The following SLC25A48 variants were observed in gnomAD, a reference collection of about 807,000 sequenced individuals.
SLC25A48 encodes CTC-321K16.1.
A neutral mutation model predicts 32.2 loss-of-function variants in SLC25A48; 29 were observed. The observed-to-expected ratio is 0.90, with a 90% CI of 0.67 to 1.23. The LOEUF (loss-of-function observed/expected upper bound fraction) is 1.23, where lower values mean the gene tolerates loss of function less well. Among genes scored for constraint, SLC25A48 ranks in the 50% most tolerant of loss-of-function variants. The probability of loss-of-function intolerance (pLI) is 0.00; values close to 1 mark genes in which losing one functional copy is unlikely to be tolerated. For missense variants in SLC25A48, 399 were observed against 422.7 expected (o/e 0.94, Z 0.49); for synonymous variants, 164 against 172.3 (o/e 0.95, Z 0.38).
At chr5:135,715,481 A>T (rs1017447726) in intron 3 of SLC25A48, among the ~76,000 whole-genome samples, 1 of 151,838 alleles carries the variant, frequency 6.6e-6, no homozygotes, top group African/African-American at 2.4e-5. Flanking sequence ...TTCCCACCCC[A>T]CCCCTTTCCC....
At chr5:135,823,285 T>A (rs1207715776) in intron 4 of SLC25A48, among the ~76,000 whole-genome samples, 1 of 152,160 alleles carries the variant, frequency 6.6e-6, no homozygotes, top group Admixed American at 6.5e-5. Context: ...GCCATGTTCC[T>A]GATGGGCTCT....
intron 4 of SLC25A48, among the ~76,000 whole-genome samples, chr5:135,866,767 A>ACCT (rs1276137197): frequency 6.6e-6 from 1 of 152,234 alleles, no homozygotes; most frequent in Admixed American, 6.5e-5. Flanking sequence ...ACAAGGCAGG[A>ACCT]GGCCTGGGCC....
chr5:135,773,928 A>G (rs1191538738), intron 3 of SLC25A48, among the ~76,000 whole-genome samples: 4 of 151,658 alleles, frequency 2.6e-5, no homozygotes, highest in Non-Finnish European at 4.4e-5. Context: ...AGAAGAAGAT[A>G]TTACTCCCAA....
intron 3 of SLC25A48, among the ~76,000 whole-genome samples, chr5:135,710,436 T>C (rs1754625651): frequency 6.6e-6 from 1 of 152,150 alleles, no homozygotes; most frequent in Non-Finnish European, 1.5e-5. Flanking sequence ...CTGGTTCTGG[T>C]TTTGTTCCGT....
chr5:135,635,281 C>G (rs762720238), intron 3 of SLC25A48, among the ~76,000 whole-genome samples: 7 of 152,216 alleles, frequency 4.6e-5, no homozygotes, highest in Non-Finnish European at 8.8e-5. Flanking sequence ...GCTCAGGGCT[C>G]TGAGAGGGAT....
chr5:135,676,295 G>A (rs570363578), intron 3 of SLC25A48, among the ~76,000 whole-genome samples: 1 of 151,898 alleles, frequency 6.6e-6, no homozygotes, highest in South Asian at 2.1e-4. Flanking sequence ...AGTCTCTGAT[G>A]ATCTTTTGTA....
chr5:135,718,745 AT>A (rs1754875830), intron 3 of SLC25A48, among the ~76,000 whole-genome samples: 1 of 152,116 alleles, frequency 6.6e-6, no homozygotes, highest in Non-Finnish European at 1.5e-5. Flanking sequence ...AGAAAAACCA[AT>A]CCCCAAGGGT....
At chr5:135,709,992 T>C (rs1754615253) in intron 3 of SLC25A48, among the ~76,000 whole-genome samples, 1 of 152,166 alleles carries the variant, frequency 6.6e-6, no homozygotes, top group African/African-American at 2.4e-5. Context: ...TCTCCCACCA[T>C]GGTCACTGTA....
At chr5:135,659,452 TCAA>T (rs1753334135) in intron 3 of SLC25A48, among the ~76,000 whole-genome samples, 1 of 152,220 alleles carries the variant, frequency 6.6e-6, no homozygotes, top group African/African-American at 2.4e-5. Flanking sequence ...TCAAAACTAT[TCAA>T]CAAGTCTCTA....
At chr5:135,815,072 A>AT (rs1757682409) in intron 4 of SLC25A48, among the ~76,000 whole-genome samples, 1 of 152,146 alleles carries the variant, frequency 6.6e-6, no homozygotes, top group South Asian at 2.1e-4. Context: ...GCTGGCTGGG[A>AT]TAACTGAGGG....
intron 3 of SLC25A48, among the ~76,000 whole-genome samples, chr5:135,658,024 C>T (rs1439511790): frequency 6.6e-6 from 1 of 152,158 alleles, no homozygotes; most frequent in Non-Finnish European, 1.5e-5. Context: ...TCATTGTGCT[C>T]CTGGCCACTC....
intron 3 of SLC25A48, among the ~76,000 whole-genome samples, chr5:135,796,513 G>A (rs931684189): frequency 4.6e-5 from 7 of 151,550 alleles, no homozygotes; most frequent in African/African-American, 1.5e-4. Context: ...TATCCTGGGG[G>A]TGAGAGGATG....
chr5:135,722,923 A>G (rs1173622134), intron 3 of SLC25A48, among the ~76,000 whole-genome samples: 1 of 152,366 alleles, frequency 6.6e-6, no homozygotes, highest in Middle Eastern at 3.4e-3. Flanking sequence ...TCTAGAGGGA[A>G]TGAAGCGCTC....
At chr5:135,654,966 G>A (rs1381204235) in intron 3 of SLC25A48, among the ~76,000 whole-genome samples, 8 of 152,180 alleles carry the variant, frequency 5.3e-5, no homozygotes, top group Admixed American at 1.3e-4. Flanking sequence ...GTATTGAAAC[G>A]ACATCCATCT....
intron 6 of SLC25A48, among the ~76,000 whole-genome samples, chr5:135,877,310 A>G (rs1267807750): frequency 1.3e-5 from 2 of 152,076 alleles, no homozygotes; most frequent in Admixed American, 1.3e-4. Context: ...TCTTGGCTCC[A>G]AGGAAGCAGC....
intron 4 of SLC25A48, among the ~76,000 whole-genome samples, chr5:135,860,249 G>A (rs1760674535): frequency 6.6e-6 from 1 of 152,202 alleles, no homozygotes; most frequent in Admixed American, 6.5e-5. Context: ...GGTGTCTGGG[G>A]AAGTGAATCC....
At chr5:135,620,646 G>A (rs149993137) in intron 1 of SLC25A48, among the ~76,000 whole-genome samples, 11 of 152,188 alleles carry the variant, frequency 7.2e-5, no homozygotes, top group African/African-American at 2.4e-4. Context: ...TGGGGAGTGG[G>A]GTTGTTGCTC....
At chr5:135,850,634 C>A in intron 3 of SLC25A48, 138 bp downstream of exon 3, 2 of 715,410 alleles carry the variant, frequency 2.8e-6, no homozygotes, top group Non-Finnish European at 4.7e-6. Context: ...TTCCCTACTT[C>A]ATCTCACACC....
intron 1 of SLC25A48, among the ~76,000 whole-genome samples, chr5:135,625,762 A>G (rs1752428352): frequency 1.3e-5 from 2 of 152,144 alleles, no homozygotes; most frequent in African/African-American, 4.8e-5. Context: ...AGAAGCAAGA[A>G]TGCAGGAGAC....
Sources: allele counts gnomAD v4.1 joint callset (sites outside exome capture counted in the v4.1 genomes callset), GRCh38; gene constraint gnomAD v4.1.1; transcripts MANE v1.5; gene names NCBI Gene and HGNC (gene_info 2026-07-23, HGNC 2026-07-21).